Variants in PTPN9 observed in about 807,000 individuals in gnomAD.
PTPN9 encodes tyrosine-protein phosphatase non-receptor type 9.
PTPN9 carries 26 observed loss-of-function variants against 69.8 expected under a neutral mutation model. The observed-to-expected ratio is 0.37, with a 90% CI of 0.27 to 0.52. The LOEUF (loss-of-function observed/expected upper bound fraction) is 0.52, where lower values mean the gene tolerates loss of function less well. PTPN9 is among the 20% of genes least tolerant of loss of function. The pLI is 0.91. For missense variants in PTPN9, 549 were observed against 740.3 expected, an observed-to-expected ratio of 0.74 and a Z score of 3.00; for synonymous variants, 274 against 272.5, an observed-to-expected ratio of 1.01 and a Z score of -0.05.
chr15:75,467,989 G>T lies in PTPN9; in HGVS notation c.*780C>A, dbSNP rs1184496898. On this transcript the variant is annotated 3_prime_UTR_variant, in exon 13 of 13. Coordinates refer to ENST00000618819, the MANE Select transcript of PTPN9 (RefSeq NM_002833.4). Reference sequence around the variant, plus strand: ...ACTTAAGGAAGGGGCCCTGTGGCAGGAACATGGAGGAGATGTGTGTGTGTC... The same window carrying T: ...ACTTAAGGAAGGGGCCCTGTGGCAGTAACATGGAGGAGATGTGTGTGTGTC... 6.6e-6 allele frequency: 1 copy of T among 152,584 alleles called. No homozygotes were observed. Among genetic ancestry groups the T allele is most frequent in the African/African-American group, 2.4e-5 (1 of 41,442 alleles). The allele number at this position is 152,584 out of a possible 1,614,324, so 9.5% of individuals were successfully genotyped here. A position where few individuals can be genotyped will look rare whatever the true frequency, so the allele number is the denominator to read the frequency against.
chr15:75,518,836 A>G (rs1439645717), intron 4 of PTPN9, among the ~76,000 whole-genome samples: 1 of 151,942 alleles, frequency 6.6e-6, no homozygotes, highest in African/African-American at 2.4e-5. Flanking sequence ...AAAAAAAAAA[A>G]AAAGTAAGCC....
intron 4 of PTPN9, among the ~76,000 whole-genome samples, chr15:75,520,437 A>AATAGATAGATAGATAGATAG (rs138397961): frequency 2.9e-5 from 4 of 140,262 alleles, no homozygotes; most frequent in Non-Finnish European, 4.6e-5. Context: ...TAGGGTATAG[A>AATAGATAGATAGATAGATAG]ATAGATAGAT....
chr15:75,514,222 C>A (rs1413301699), intron 5 of PTPN9, among the ~76,000 whole-genome samples: 1 of 150,366 alleles, frequency 6.7e-6, no homozygotes, highest in East Asian at 1.9e-4. Context: ...CTAGTTAGAC[C>A]GCCAGTGTTG....
intron 1 of PTPN9, among the ~76,000 whole-genome samples, chr15:75,575,531 A>G (rs1424902200): frequency 6.6e-6 from 1 of 152,208 alleles, no homozygotes; most frequent in East Asian, 1.9e-4. Context: ...ATAGGGCAGC[A>G]TTACGGAGTG....
At chr15:75,562,660 T>C (rs956813424) in intron 1 of PTPN9, among the ~76,000 whole-genome samples, 1 of 151,722 alleles carries the variant, frequency 6.6e-6, no homozygotes, top group South Asian at 2.1e-4. Flanking sequence ...TGAAACCCCA[T>C]CTCTACTAAA....
intron 7 of PTPN9, among the ~76,000 whole-genome samples, chr15:75,505,202 G>A (rs1595955958): frequency 6.6e-6 from 1 of 150,558 alleles, no homozygotes; most frequent in East Asian, 1.9e-4. Flanking sequence ...TCCACTCAGG[G>A]TTAAATGGAT....
chr15:75,558,070 C>T (rs1378122909), intron 1 of PTPN9, among the ~76,000 whole-genome samples: 1 of 152,210 alleles, frequency 6.6e-6, no homozygotes, highest in Non-Finnish European at 1.5e-5. Context: ...TCGCTCACAC[C>T]TGTAATCCCA....
chr15:75,495,015 C>T (rs964319664), intron 7 of PTPN9, among the ~76,000 whole-genome samples: 1 of 151,722 alleles, frequency 6.6e-6, no homozygotes, highest in Admixed American at 6.6e-5. Context: ...CAGAGTGAGA[C>T]CCCATCTTAA....
At chr15:75,531,647 A>G (rs918519910) in intron 1 of PTPN9, among the ~76,000 whole-genome samples, 3 of 151,694 alleles carry the variant, frequency 2.0e-5, no homozygotes, top group Non-Finnish European at 2.9e-5. Flanking sequence ...CAGTGGCGCA[A>G]TCTTGGCTCC....
At chr15:75,476,658 T>TA (rs2074598530) in intron 9 of PTPN9, among the ~76,000 whole-genome samples, 1 of 152,130 alleles carries the variant, frequency 6.6e-6, no homozygotes, top group Non-Finnish European at 1.5e-5. Flanking sequence ...TATGCATAGA[T>TA]AAAGGTCTAG....
chr15:75,508,296 G>A (rs990794774), intron 6 of PTPN9, among the ~76,000 whole-genome samples: 1 of 151,992 alleles, frequency 6.6e-6, no homozygotes, highest in African/African-American at 2.4e-5. Context: ...GGCCTCAAGC[G>A]ATCTTCCCGC....
Position 75,578,842 on chromosome 15 carries a change from C to T in PTPN9, c.-66G>A. The T allele has an allele frequency of 9.1e-7, 1 of 1,100,538 alleles. No homozygotes were observed. Among genetic ancestry groups the T allele is most frequent in the Non-Finnish European group, 1.1e-6 (1 of 880,812 alleles). The allele number at this position is 1,100,538 out of a possible 1,614,324, so 68.2% of individuals were successfully genotyped here. A position where few individuals can be genotyped will look rare whatever the true frequency, so the allele number is the denominator to read the frequency against. Reference sequence around the variant, plus strand: ...AGCGCGGGAGCCCGGCGCGCTCGGCCTCCGCTTCCGCGTCCCCGCGCCTCA... The same window carrying T: ...AGCGCGGGAGCCCGGCGCGCTCGGCTTCCGCTTCCGCGTCCCCGCGCCTCA... On this transcript the variant is annotated 5_prime_UTR_variant, in exon 1 of 13. Coordinates refer to ENST00000618819, the MANE Select transcript of PTPN9 (RefSeq NM_002833.4).
chr15:75,509,550 G>A (rs1193735178), intron 5 of PTPN9, among the ~76,000 whole-genome samples: 2 of 151,894 alleles, frequency 1.3e-5, no homozygotes, highest in South Asian at 2.1e-4. Context: ...AGCCAGGCAC[G>A]GTGGCAGACA....
intron 10 of PTPN9, among the ~76,000 whole-genome samples, chr15:75,473,246 C>T (rs539104346): frequency 5.3e-5 from 8 of 151,894 alleles, no homozygotes; most frequent in Non-Finnish European, 1.2e-4. Context: ...TTTCCTAATC[C>T]TCAATTTTTT....
rs56318372 is a variant in PTPN9 at position 75,519,647 on chromosome 15, T to C, written c.423-2283A>G. ...ATTTATTTCTTTACTTATTTTTTAA[T>C]TTTTAGTAGAGATGGGGTTTCATTA... is the stretch of plus-strand genomic sequence containing the variant. On this transcript the variant is annotated intron_variant, in intron 4 of 12. Coordinates refer to ENST00000618819, the MANE Select transcript of PTPN9 (RefSeq NM_002833.4). Among the ~76,000 whole-genome samples, 1,075 of 151,828 alleles carry C rather than the reference T, an allele frequency of 7.1e-3. 6 individuals carry two copies. The highest frequency in any genetic ancestry group is 0.013 in the Non-Finnish European group (854 of 67,930).
At chr15:75,538,718 A>G (rs1050448369) in intron 1 of PTPN9, among the ~76,000 whole-genome samples, 1 of 152,212 alleles carries the variant, frequency 6.6e-6, no homozygotes, top group Non-Finnish European at 1.5e-5. Context: ...AGAAGAGAAT[A>G]AAATTCAGAA....
intron 1 of PTPN9, among the ~76,000 whole-genome samples, chr15:75,571,284 T>G (rs1377000695): frequency 6.6e-6 from 1 of 151,970 alleles, no homozygotes; most frequent in Non-Finnish European, 1.5e-5. Flanking sequence ...AAAACAATGA[T>G]GAATATCATA....
intron 1 of PTPN9, among the ~76,000 whole-genome samples, chr15:75,555,650 G>A (rs1047301355): frequency 6.6e-6 from 1 of 151,794 alleles, no homozygotes; most frequent in East Asian, 1.9e-4. Context: ...GATTACAGGC[G>A]TGCACCACCA....
At chr15:75,525,473 C>A (rs1306174762) in intron 2 of PTPN9, among the ~76,000 whole-genome samples, 9 of 151,508 alleles carry the variant, frequency 5.9e-5, no homozygotes. Context: ...GGATTACAGG[C>A]ATGAGCCACC....
Sources: gnomAD v4.1 joint callset for allele counts (sites outside exome capture counted in the v4.1 genomes callset) on GRCh38, gnomAD v4.1.1 for gene constraint, MANE v1.5 for transcripts, NCBI Gene and HGNC (gene_info 2026-07-23, HGNC 2026-07-21) for gene names.